PCDH15: variants seen among roughly 807,000 people sequenced by gnomAD.
PCDH15 encodes the protein protocadherin related 15.
PCDH15 carries 129 observed loss-of-function variants against 178.5 expected under a neutral mutation model. The ratio of observed to expected loss-of-function variants is 0.72; its 90% CI spans 0.63 to 0.84. The LOEUF is 0.84. Among genes scored for constraint, PCDH15 ranks in the 40% least tolerant of loss-of-function variants. The pLI is 0.00. For synonymous variants in PCDH15, 800 were observed against 732.0 expected, an observed-to-expected ratio of 1.09 and a Z score of -1.50; for missense variants, 2,230 against 2,099.9, an observed-to-expected ratio of 1.06 and a Z score of -1.21.
chr10:55,076,762 A>AC (rs1841898704), intron 2 of PCDH15, among the ~76,000 whole-genome samples: 1 of 127,102 alleles, frequency 7.9e-6, no homozygotes, highest in African/African-American at 3.0e-5. Flanking sequence ...GTGGCCTGTG[A>AC]CCTTTTTTTT....
intron 1 of PCDH15, among the ~76,000 whole-genome samples, chr10:54,797,127 T>C (rs1246237672): frequency 2.0e-5 from 3 of 151,984 alleles, no homozygotes; most frequent in Non-Finnish European, 4.4e-5. Flanking sequence ...AGTTTGCCCT[T>C]TCACTAGGCA....
At chr10:54,709,170 G>T (rs1260076378) in intron 1 of PCDH15, among the ~76,000 whole-genome samples, 1 of 152,070 alleles carries the variant, frequency 6.6e-6, no homozygotes, top group Non-Finnish European at 1.5e-5. Flanking sequence ...ACCTCCCTCT[G>T]ATAAGAAATC....
intron 27 of PCDH15, among the ~76,000 whole-genome samples, chr10:53,859,960 T>G (rs898695277): frequency 6.6e-6 from 1 of 152,110 alleles, no homozygotes; most frequent in African/African-American, 2.4e-5. Context: ...GGGATCTACA[T>G]TATATATACC....
intron 6 of PCDH15, among the ~76,000 whole-genome samples, chr10:54,335,034 AGCTCAGGCTACTGT>A (rs1020709024): frequency 1.3e-5 from 2 of 152,184 alleles, no homozygotes; most frequent in Admixed American, 6.5e-5. Context: ...TCTCTGATTA[AGCTCAGGCTACTGT>A]GCCATCAGCT....
chr10:55,283,239 G>C (rs937963088), intron 1 of PCDH15, among the ~76,000 whole-genome samples: 2 of 151,994 alleles, frequency 1.3e-5, no homozygotes, highest in African/African-American at 4.8e-5. Context: ...GTTTTATCTG[G>C]TCTCGTGGCC....
At position 54,301,066 on chromosome 10, in the gene PCDH15, G is replaced by A. The variant is rs148091449; in HGVS notation, c.876+16205C>T. Among the ~76,000 whole-genome samples the A allele has an allele frequency of 3.9e-4, 59 of 152,208 alleles. No individual in the cohort carries two copies. In the East Asian group the frequency reaches 0.01, roughly 26 times the overall value. Reference sequence around the variant, plus strand: ...AGTCAGCGAGACCACGAACCCACCGGAAGGAAGAAACTGCAGACACATCTG... The same window carrying A: ...AGTCAGCGAGACCACGAACCCACCGAAAGGAAGAAACTGCAGACACATCTG... On this transcript the variant is annotated intron_variant, in intron 8 of 37. Transcript: ENST00000644397.
chr10:55,052,831 T>G, intron 2 of PCDH15, among the ~76,000 whole-genome samples: 1 of 152,144 alleles, frequency 6.6e-6, no homozygotes, highest in East Asian at 1.9e-4. Context: ...TTATAGCAAT[T>G]TAATAAATCT....
At chr10:54,170,930 C>T (rs10825255) in intron 13 of PCDH15, among the ~76,000 whole-genome samples, 14,768 of 152,028 alleles carry the variant, frequency 0.097, 1,553 homozygotes, top group African/African-American at 0.26. Flanking sequence ...GGCCCCCTCC[C>T]TTCCCTACAC....
chr10:54,215,968 G>C (rs551852375), intron 9 of PCDH15, among the ~76,000 whole-genome samples: 1 of 144,642 alleles, frequency 6.9e-6, no homozygotes, highest in African/African-American at 2.5e-5. Context: ...GCGTGAACCC[G>C]GGAGGCGGAG....
intron 3 of PCDH15, among the ~76,000 whole-genome samples, chr10:54,484,148 T>C (rs2136976106): frequency 6.6e-6 from 1 of 151,990 alleles, no homozygotes; most frequent in Non-Finnish European, 1.5e-5. Flanking sequence ...GCCAGCCCAC[T>C]GAATTGAACA....
chr10:53,832,832 A>G (rs757790021), intron 29 of PCDH15, among the ~76,000 whole-genome samples: 2 of 152,036 alleles, frequency 1.3e-5, no homozygotes, highest in Non-Finnish European at 2.9e-5. Flanking sequence ...CACACTGTTC[A>G]TTGCTTAAAA....
chr10:54,929,576 G>C (rs147157018), intron 2 of PCDH15, among the ~76,000 whole-genome samples: 2 of 152,290 alleles, frequency 1.3e-5, no homozygotes, highest in African/African-American at 4.8e-5. Flanking sequence ...TCTGACCGTT[G>C]TGACAACGGA....
chr10:55,118,467 A>G (rs1317424777), intron 2 of PCDH15, among the ~76,000 whole-genome samples: 1 of 152,168 alleles, frequency 6.6e-6, no homozygotes, highest in African/African-American at 2.4e-5. Flanking sequence ...ATGACTTTCA[A>G]CTTTGACTGT....
At chr10:55,021,493 C>T (rs549257381) in intron 2 of PCDH15, among the ~76,000 whole-genome samples, 1 of 152,290 alleles carries the variant, frequency 6.6e-6, no homozygotes, top group South Asian at 2.1e-4. Context: ...TCTCCATCAT[C>T]CTTCAGAATT....
chr10:55,331,761 A>G (rs571906359), intron 2 of PCDH15, among the ~76,000 whole-genome samples: 6 of 152,262 alleles, frequency 3.9e-5, no homozygotes, highest in African/African-American at 1.4e-4. Flanking sequence ...CTTAAGAAAC[A>G]TCTTGGAATT....
intron 1 of PCDH15, among the ~76,000 whole-genome samples, chr10:54,700,505 C>T (rs2095295366): frequency 6.6e-6 from 1 of 152,100 alleles, no homozygotes; most frequent in African/African-American, 2.4e-5. Flanking sequence ...ACAAAATAGC[C>T]ATTTTAAGAA....
At chr10:54,751,070 C>T (rs529366824) in intron 1 of PCDH15, among the ~76,000 whole-genome samples, 181 of 152,068 alleles carry the variant, frequency 1.2e-3, no homozygotes, top group African/African-American at 4.2e-3. Flanking sequence ...AGCATATGGT[C>T]TCTATAAAGT....
intron 9 of PCDH15, among the ~76,000 whole-genome samples, chr10:54,231,854 T>C (rs1185529448): frequency 1.3e-5 from 2 of 152,194 alleles, no homozygotes; most frequent in African/African-American, 4.8e-5. Context: ...TTCTCCTTTT[T>C]TGGAATGGGT....
At chr10:55,185,056 C>T (rs1278224695) in intron 1 of PCDH15, among the ~76,000 whole-genome samples, 1 of 151,790 alleles carries the variant, frequency 6.6e-6, no homozygotes, top group African/African-American at 2.4e-5. Context: ...GGTAAAATAA[C>T]TTGCTTTTGT....
Sources: gnomAD v4.1 joint callset for allele counts (sites outside exome capture counted in the v4.1 genomes callset) on GRCh38, gnomAD v4.1.1 for gene constraint, MANE v1.5 for transcripts, NCBI Gene and HGNC (gene_info 2026-07-23, HGNC 2026-07-21) for gene names.